TRMT9B: variants seen among roughly 807,000 people sequenced by gnomAD.
The protein encoded by TRMT9B is tRNA methyltransferase 9B (putative), also known as probable tRNA methyltransferase 9B.
TRMT9B carries 16 observed loss-of-function variants against 11.5 expected under a neutral mutation model. The observed-to-expected ratio is 1.39, with a 90% CI of 0.94 to 2.11. The LOEUF (loss-of-function observed/expected upper bound fraction) is 2.11, where lower values mean the gene tolerates loss of function less well. Among genes scored for constraint, TRMT9B ranks in the 30% most tolerant of loss-of-function variants. The probability of loss-of-function intolerance (pLI) is 0.00; values close to 1 mark genes in which losing one functional copy is unlikely to be tolerated. For synonymous variants in TRMT9B, 274 were observed against 192.4 expected, an observed-to-expected ratio of 1.42 and a Z score of -3.51; for missense variants, 941 against 553.8, an observed-to-expected ratio of 1.70 and a Z score of -7.02.
At chr8:12,957,602 A>C (rs1035757794) in intron 1 of TRMT9B, among the ~76,000 whole-genome samples, 10 of 152,170 alleles carry the variant, frequency 6.6e-5, no homozygotes, top group Non-Finnish European at 1.3e-4. Context: ...CACTTTTGAG[A>C]GTGAAGAGGG....
intron 1 of TRMT9B, among the ~76,000 whole-genome samples, chr8:12,962,708 C>G (rs1802292610): frequency 6.6e-6 from 1 of 152,128 alleles, no homozygotes; most frequent in Non-Finnish European, 1.5e-5. Context: ...CCAGGCTGGT[C>G]TGGAACTCCT....
intron 1 of TRMT9B, among the ~76,000 whole-genome samples, chr8:12,957,097 C>T (rs1387615089): frequency 7.9e-5 from 12 of 152,046 alleles, no homozygotes; most frequent in South Asian, 2.1e-4. Flanking sequence ...GTAGCTTACT[C>T]GAAGAGAAAG....
At chr8:13,014,585 C>T (rs543862783) in intron 4 of TRMT9B, among the ~76,000 whole-genome samples, 1 of 152,326 alleles carries the variant, frequency 6.6e-6, no homozygotes, top group East Asian at 1.9e-4. Context: ...TCCTAAAGTT[C>T]TGCCTCCTAA....
intron 1 of TRMT9B, among the ~76,000 whole-genome samples, chr8:12,990,126 G>C (rs557059304): frequency 2.6e-5 from 4 of 152,296 alleles, no homozygotes; most frequent in African/African-American, 9.6e-5. Context: ...TGGCAGTGTG[G>C]TGAACACACA....
chr8:13,029,056 T>C lies in TRMT9B; in HGVS notation c.*7012T>C, dbSNP rs1046126242. 3 of 166,270 alleles carry C rather than the reference T, an allele frequency of 1.8e-5. No homozygotes were observed. Among genetic ancestry groups the C allele is most frequent in the African/African-American group, 7.2e-5 (3 of 41,500 alleles). 10.3% of individuals were successfully genotyped at this position (166,270 alleles called of 1,614,324 possible). On this transcript the variant is annotated 3_prime_UTR_variant, in exon 5 of 5. Transcript: ENST00000524591. Reference sequence around the variant, plus strand: ...TCTGTAAATATATATATAACACACATATATATATATTCCTAGACATCTAGT... The same window carrying C: ...TCTGTAAATATATATATAACACACACATATATATATTCCTAGACATCTAGT...
chr8:13,010,811 G>A lies in TRMT9B; in HGVS notation c.155-1873G>A, dbSNP rs192279936. ...GGACCATCGTCTTTTGAAATACACA[G>A]GATTTTAATTTTAAAATACTTTGTG... On this transcript the variant is annotated intron_variant, in intron 3 of 4. Coordinates refer to ENST00000524591, the MANE Select transcript of TRMT9B (RefSeq NM_020844.3). 3.6e-3 allele frequency: 3,492 copies of A among 983,068 alleles called. 8 individuals are homozygous for A. Among genetic ancestry groups the A allele is most frequent in the Non-Finnish European group, 3.9e-3 (3,218 of 828,106 alleles). The allele number at this position is 983,068 out of a possible 1,614,324, so 60.9% of individuals were successfully genotyped here. A position where few individuals can be genotyped will look rare whatever the true frequency, so the allele number is the denominator to read the frequency against.
intron 1 of TRMT9B, among the ~76,000 whole-genome samples, chr8:12,973,826 C>A (rs1310526088): frequency 6.6e-6 from 1 of 152,060 alleles, no homozygotes; most frequent in South Asian, 2.1e-4. Flanking sequence ...CCCACCGTGC[C>A]CAGAGATCAC....
At chr8:12,954,646 A>G (rs1222674364) in intron 1 of TRMT9B, among the ~76,000 whole-genome samples, 2 of 152,252 alleles carry the variant, frequency 1.3e-5, no homozygotes, top group Admixed American at 6.5e-5. Context: ...AAGCATTAAG[A>G]TAACTGGAGA....
At chr8:12,982,669 A>G (rs917537109) in intron 1 of TRMT9B, among the ~76,000 whole-genome samples, 1 of 152,148 alleles carries the variant, frequency 6.6e-6, no homozygotes, top group Non-Finnish European at 1.5e-5. Flanking sequence ...CTCAAAAAAA[A>G]AAAAATCATA....
chr8:12,971,188 G>T (rs906778262), intron 1 of TRMT9B, among the ~76,000 whole-genome samples: 53 of 152,078 alleles, frequency 3.5e-4, no homozygotes, highest in African/African-American at 1.3e-3. Context: ...TTTCCCTGCT[G>T]TATTATCAAA....
intron 1 of TRMT9B, chr8:12,951,262 C>G (rs896153855): frequency 1.3e-5 from 2 of 152,222 alleles, no homozygotes; most frequent in South Asian, 2.1e-4. Context: ...CCTACTTAAC[C>G]CCCCCATCTC....
chr8:12,989,005 T>G (rs1008102393), intron 1 of TRMT9B, among the ~76,000 whole-genome samples: 4 of 152,168 alleles, frequency 2.6e-5, no homozygotes, highest in African/African-American at 7.2e-5. Context: ...GTATCCCTAG[T>G]GCCTTACATC....
chr8:12,994,751 A>T (rs1314899130), intron 2 of TRMT9B, among the ~76,000 whole-genome samples: 1 of 152,096 alleles, frequency 6.6e-6, no homozygotes, highest in African/African-American at 2.4e-5. Context: ...GCACGATCTC[A>T]GCTCACTGCA....
chr8:12,990,643 G>T (rs1214813087), intron 1 of TRMT9B, among the ~76,000 whole-genome samples, 191 bp from the exon 2 acceptor site: 1 of 152,158 alleles, frequency 6.6e-6, no homozygotes, highest in East Asian at 1.9e-4. Flanking sequence ...AGAAAGCTTA[G>T]GAATTGATTT....
chr8:13,028,568 TC>T lies in TRMT9B; in HGVS notation c.*6525del. The T allele has an allele frequency of 8.2e-6, 1 of 121,958 alleles. No homozygotes were observed. The allele number at this position is 121,958 out of a possible 1,614,324, so 7.6% of individuals were successfully genotyped here. On this transcript the variant is annotated 3_prime_UTR_variant, in exon 5 of 5. Transcript: ENST00000524591. ...CTAAGTGATAAGCACTTTTCTCTTT[TC>T]TTTTCTTTTTTTTTTTTTTTTTTTG...
intron 2 of TRMT9B, among the ~76,000 whole-genome samples, chr8:12,992,678 C>A (rs1807575430): frequency 6.6e-6 from 1 of 151,626 alleles, no homozygotes; most frequent in South Asian, 2.1e-4. Flanking sequence ...ATGGTGAAAA[C>A]CCATCTCTAC....
chr8:12,987,190 T>C (rs558265906), intron 1 of TRMT9B, among the ~76,000 whole-genome samples: 57 of 152,296 alleles, frequency 3.7e-4, no homozygotes, highest in African/African-American at 1.1e-3. Flanking sequence ...GCTATGTAAC[T>C]TTGGGAAAGT....
chr8:12,972,033 C>T (rs1464739593), intron 1 of TRMT9B, among the ~76,000 whole-genome samples: 2 of 152,104 alleles, frequency 1.3e-5, no homozygotes, highest in Admixed American at 6.6e-5. Flanking sequence ...CACAATAGCG[C>T]AAAAATACAG....
intron 1 of TRMT9B, among the ~76,000 whole-genome samples, chr8:12,990,364 A>G (rs2460341): frequency 0.85 from 129,566 of 152,116 alleles, 55,303 homozygotes; most frequent in Middle Eastern, 0.89. Context: ...TGGGTTTCAT[A>G]ACAAACTCTT....
Sources: gnomAD v4.1 joint callset for allele counts (sites outside exome capture counted in the v4.1 genomes callset) on GRCh38, gnomAD v4.1.1 for gene constraint, MANE v1.5 for transcripts, NCBI Gene and HGNC (gene_info 2026-07-23, HGNC 2026-07-21) for gene names.